Variants in NADSYN1 observed in about 807,000 individuals in gnomAD.
NADSYN1 encodes NAD synthetase 1.
NADSYN1 carries 80 observed loss-of-function variants against 99.3 expected under a neutral mutation model. That is an observed-to-expected ratio of 0.81 (90% CI 0.67 to 0.97). NADSYN1 has a LOEUF of 0.97. NADSYN1 is among the 50% of genes least tolerant of loss of function. The pLI is 0.00. For synonymous variants in NADSYN1, 385 were observed against 372.1 expected, an observed-to-expected ratio of 1.03 and a Z score of -0.40; for missense variants, 859 against 948.5, an observed-to-expected ratio of 0.91 and a Z score of 1.24.
At chr11:71,478,876 T>G (rs1591129940) in intron 10 of NADSYN1, 1 of 182,826 alleles carries the variant, frequency 5.5e-6, no homozygotes, top group African/African-American at 2.3e-5. Flanking sequence ...GGAGGCAAGG[T>G]CCAAGGCACA....
At chr11:71,500,477 A>AC (rs1949850108) in intron 20 of NADSYN1, among the ~76,000 whole-genome samples, 2 of 152,176 alleles carry the variant, frequency 1.3e-5, no homozygotes, top group South Asian at 4.1e-4. Flanking sequence ...GGTGGAGCCC[A>AC]GGGATGCTGC....
chr11:71,496,110 A>G (rs571581593), intron 18 of NADSYN1, among the ~76,000 whole-genome samples: 3 of 152,284 alleles, frequency 2.0e-5, no homozygotes, highest in African/African-American at 7.2e-5. Context: ...GACAGGCTGC[A>G]TCTGCTCCAT....
At chr11:71,455,902 A>G (rs754502006) in intron 2 of NADSYN1, among the ~76,000 whole-genome samples, 2 of 152,252 alleles carry the variant, frequency 1.3e-5, no homozygotes, top group African/African-American at 2.4e-5. Flanking sequence ...AGGAAAACTG[A>G]TTGCTTATTT....
Position 71,454,357 on chromosome 11 carries a change from G to A in NADSYN1, c.86-753G>A, listed in dbSNP as rs532155950. 1.6e-4 allele frequency among the ~76,000 whole-genome samples: 24 copies of A among 152,122 alleles called. No individual in the cohort carries two copies. The East Asian group carries it at 2.7e-3, about 17-fold the overall frequency. On this transcript the variant is annotated intron_variant, in intron 1 of 20. Coordinates refer to ENST00000319023, the MANE Select transcript of NADSYN1 (RefSeq NM_018161.5). ...CTCCTGAGTAGCTGGGATTACAGGC[G>A]TCTGCCACCATGCATGGCCAATTTC...
At chr11:71,454,576 T>G (rs933429353) in intron 1 of NADSYN1, among the ~76,000 whole-genome samples, 1 of 109,592 alleles carries the variant, frequency 9.1e-6, no homozygotes, top group Non-Finnish European at 2.5e-5. Flanking sequence ...GCAAATCTAG[T>G]TGAACTGAAG....
Position 71,498,483 on chromosome 11 carries a change from G to C in NADSYN1, c.2025G>C (p.Leu675=), listed in dbSNP as rs1230097339. ...ACAGGTTTGATCTGCGACCATTTCT[G>C]TACAACACAAGCTGGCCTTGGCAGT... ...EDNRFDLRPF[L]YNTSWPWQFR... The change falls in exon 20 of 21, where the codon CTG becomes CTC. Residue 675 remains leucine, a synonymous_variant. Coordinates refer to ENST00000319023, the MANE Select transcript of NADSYN1 (RefSeq NM_018161.5). 3 of 1,614,052 alleles carry C rather than the reference G, an allele frequency of 1.9e-6. No individual in the cohort carries two copies. Among genetic ancestry groups the C allele is most frequent in the Non-Finnish European group, 2.5e-6 (3 of 1,180,042 alleles).
intron 12 of NADSYN1, 171 bp downstream of exon 12, chr11:71,481,575 G>A (rs1483436939): frequency 1.5e-6 from 1 of 681,838 alleles, no homozygotes; most frequent in South Asian, 1.9e-5. Flanking sequence ...GAGGCAAGGT[G>A]GGCACAGTGG....
chr11:71,497,240 T>C, intron 18 of NADSYN1: 1 of 496,196 alleles, frequency 2.0e-6, no homozygotes, highest in Non-Finnish European at 3.7e-6. Flanking sequence ...TGAGCGCTCC[T>C]TGGTGAGCCA....
At chr11:71,495,514 G>T (rs1949813212) in intron 18 of NADSYN1, among the ~76,000 whole-genome samples, 1 of 152,218 alleles carries the variant, frequency 6.6e-6, no homozygotes, top group African/African-American at 2.4e-5. Context: ...GCAGTGCCCT[G>T]CAGGTGTGTG....
intron 14 of NADSYN1, 40 bp from the exon 15 acceptor site, chr11:71,484,272 G>T (rs753259022): frequency 1.9e-6 from 3 of 1,603,666 alleles, no homozygotes; most frequent in Middle Eastern, 1.7e-4. Flanking sequence ...ATGCACACAC[G>T]TGCACATGCT....
chr11:71,456,495 G>T (rs957083310), intron 2 of NADSYN1, among the ~76,000 whole-genome samples: 5 of 152,186 alleles, frequency 3.3e-5, no homozygotes, highest in Non-Finnish European at 7.3e-5. Flanking sequence ...GCTGGTCCGG[G>T]GGCCTGATCC....
intron 1 of NADSYN1, among the ~76,000 whole-genome samples, 200 bp downstream of exon 1, chr11:71,453,581 C>T (rs1337495941): frequency 6.6e-6 from 1 of 152,212 alleles, no homozygotes; most frequent in Non-Finnish European, 1.5e-5. Context: ...TTTATAGTTC[C>T]CGGGGACGAG....
intron 1 of NADSYN1, among the ~76,000 whole-genome samples, chr11:71,454,492 A>G (rs562502246): frequency 7.0e-4 from 106 of 152,368 alleles, no homozygotes; most frequent in Non-Finnish European, 1.1e-3. Flanking sequence ...GATTCCAGGC[A>G]TGAGCCACCG....
In NADSYN1 at chr11:71,472,470, G is replaced by T; in HGVS notation, c.429G>T (p.Leu143=). The T allele has an allele frequency of 6.2e-7, 1 of 1,613,864 alleles. No homozygotes were observed. Among genetic ancestry groups the T allele is most frequent in the Non-Finnish European group, 8.5e-7 (1 of 1,179,712 alleles). The change falls in exon 6 of 21, where the codon CTG becomes CTT. Residue 143 remains leucine (L), a synonymous_variant. Transcript: ENST00000319023. ...SRSRHTEEYF[L]PRMIQDLTKQ... ...CCAGGCACACAGAGGAGTACTTTCT[G>T]CCTCGGATGATACAGGACCTGACAA...
At chr11:71,490,530 C>T (rs887804775) in intron 16 of NADSYN1, among the ~76,000 whole-genome samples, 1 of 152,156 alleles carries the variant, frequency 6.6e-6, no homozygotes, top group Non-Finnish European at 1.5e-5. Context: ...CACGTGTGTC[C>T]AGTCCCTGCT....
chr11:71,484,196 A>G (rs1949726934), intron 14 of NADSYN1, 116 bp from the exon 15 acceptor site: 1 of 1,431,506 alleles, frequency 7.0e-7, no homozygotes, highest in African/African-American at 1.4e-5. Flanking sequence ...CACAAATCAT[A>G]CGCTTTAAAT....
chr11:71,470,108 G>C (rs1337084235), intron 5 of NADSYN1, among the ~76,000 whole-genome samples: 2 of 152,198 alleles, frequency 1.3e-5, no homozygotes, highest in African/African-American at 4.8e-5. Context: ...GCAGACAAGA[G>C]AGAATGAGAG....
chr11:71,480,044 A>G (rs993251720), intron 10 of NADSYN1: 2 of 152,304 alleles, frequency 1.3e-5, no homozygotes, highest in Non-Finnish European at 2.9e-5. Context: ...CAATTCTGCT[A>G]CAAACATACA....
chr11:71,456,631 C>T (rs4944955), intron 2 of NADSYN1, among the ~76,000 whole-genome samples: 88,719 of 152,108 alleles, frequency 0.58, 28,055 homozygotes, highest in Non-Finnish European at 0.74. Flanking sequence ...GTCTCTCTCT[C>T]CTATAAATGT....
Sources: allele counts gnomAD v4.1 joint callset (sites outside exome capture counted in the v4.1 genomes callset), GRCh38; gene constraint gnomAD v4.1.1; transcripts MANE v1.5; gene names NCBI Gene and HGNC (gene_info 2026-07-23, HGNC 2026-07-21).